The following DNAH11 variants were observed in gnomAD, a reference collection of about 807,000 sequenced individuals.
The protein encoded by DNAH11 is dynein axonemal heavy chain 11, also known as axonemal beta dynein heavy chain 11.
In DNAH11, 442 loss-of-function variants were observed where a neutral mutation model predicts 526.0. The observed-to-expected ratio is 0.84, with a 90% CI of 0.78 to 0.91. The LOEUF (loss-of-function observed/expected upper bound fraction) is 0.91. Among genes scored for constraint, DNAH11 ranks in the 40% least tolerant of loss-of-function variants. The pLI is 0.00. For missense variants in DNAH11, 6,989 were observed against 5,448.7 expected (o/e 1.28, Z -8.90); for synonymous variants, 2,461 against 1,935.9 (o/e 1.27, Z -7.12).
At position 21,834,605 on chromosome 7, in the gene DNAH11, G is replaced by A. The variant is rs527746351; in HGVS notation, c.10692-7939G>A. Among the ~76,000 whole-genome samples the A allele has an allele frequency of 5.3e-5, 8 of 152,304 alleles. No individual in the cohort carries two copies. In the South Asian group the frequency reaches 1.7e-3, roughly 32 times the overall value. On this transcript the variant is annotated intron_variant, in intron 65 of 81. Coordinates refer to ENST00000409508, the MANE Select transcript of DNAH11 (RefSeq NM_001277115.2). ...TCCAACACTTTGGGAGGCCAAGGCA[G>A]GAGCGTCGCTTGAGGACAGGAGTTT... is the stretch of plus-strand genomic sequence containing the variant.
Position 21,867,855 on chromosome 7 carries a change from A to G in DNAH11, c.11691-4A>G, listed in dbSNP as rs376404379. On this transcript the variant is annotated splice_region_variant and splice_polypyrimidine_tract_variant and intron_variant, in intron 71 of 81. Coordinates refer to ENST00000409508, the MANE Select transcript of DNAH11 (RefSeq NM_001277115.2). ...TCATGTTTTTATATTCTTGTTTTTTATAGAAATTTTGTAGAGGAAAAACTG... is the reference window on the plus strand; with the variant it reads ...TCATGTTTTTATATTCTTGTTTTTTGTAGAAATTTTGTAGAGGAAAAACTG... 32 of 1,562,924 alleles carry G rather than the reference A, an allele frequency of 2.0e-5. No homozygotes were observed. The highest frequency in any genetic ancestry group is 2.3e-5 in the Non-Finnish European group (27 of 1,152,684).
intron 22 of DNAH11, among the ~76,000 whole-genome samples, chr7:21,617,153 C>A (rs576710857): frequency 3.5e-4 from 53 of 152,230 alleles, no homozygotes; most frequent in African/African-American, 1.3e-3. Flanking sequence ...AGTCAAAGGA[C>A]CTATTTGGCA....
intron 2 of DNAH11, among the ~76,000 whole-genome samples, chr7:21,555,671 T>C (rs80333994): frequency 0.05 from 7,632 of 152,292 alleles, 631 homozygotes; most frequent in African/African-American, 0.17. Flanking sequence ...TTTTCCTCCC[T>C]TGGCTTGTGC....
intron 65 of DNAH11, among the ~76,000 whole-genome samples, chr7:21,842,099 T>C (rs142198694): frequency 1.2e-4 from 18 of 152,330 alleles, no homozygotes; most frequent in African/African-American, 4.1e-4. Flanking sequence ...GATGATGTTT[T>C]TGTGACCAGG....
At chr7:21,889,542 C>T (rs2128046235) in intron 76 of DNAH11, among the ~76,000 whole-genome samples, 1 of 152,342 alleles carries the variant, frequency 6.6e-6, no homozygotes, top group Non-Finnish European at 1.5e-5. Context: ...GTTTTCTCCA[C>T]ATCCTCACCA....
chr7:21,641,004 G>C (rs1446944642), intron 28 of DNAH11, among the ~76,000 whole-genome samples: 2 of 152,150 alleles, frequency 1.3e-5, no homozygotes, highest in Non-Finnish European at 2.9e-5. Context: ...GATTTCTGGT[G>C]GAACAAGTGT....
chr7:21,601,982 CA>C (rs1281471116), intron 18 of DNAH11, among the ~76,000 whole-genome samples: 4 of 149,606 alleles, frequency 2.7e-5, no homozygotes, highest in East Asian at 3.9e-4. Flanking sequence ...TTTTTTCATT[CA>C]AAAAAACTAC....
chr7:21,568,192 T>A (rs1348357772), intron 6 of DNAH11, among the ~76,000 whole-genome samples: 1 of 152,192 alleles, frequency 6.6e-6, no homozygotes, highest in Non-Finnish European at 1.5e-5. Flanking sequence ...ATAAATAAGT[T>A]GGTAAGCAGT....
chr7:21,615,903 T>C (rs1040394108), intron 21 of DNAH11, among the ~76,000 whole-genome samples: 2 of 152,218 alleles, frequency 1.3e-5, no homozygotes, highest in Non-Finnish European at 2.9e-5. Context: ...AAGTCTGTTA[T>C]TTAATAATCT....
intron 71 of DNAH11, 36 bp downstream of exon 71, chr7:21,866,699 T>C (rs1583790240): frequency 6.4e-7 from 1 of 1,570,708 alleles, no homozygotes. Context: ...CATGTATTAG[T>C]TAACATAGAG....
chr7:21,704,137 G>A (rs907353713), intron 37 of DNAH11, among the ~76,000 whole-genome samples: 2 of 152,218 alleles, frequency 1.3e-5, no homozygotes, highest in Non-Finnish European at 2.9e-5. Flanking sequence ...GAGGATTCAA[G>A]AGAGAAGGCC....
chr7:21,690,284 A>G (rs557839423), intron 34 of DNAH11, among the ~76,000 whole-genome samples: 29 of 152,322 alleles, frequency 1.9e-4, no homozygotes, highest in Non-Finnish European at 4.3e-4. Context: ...AGTGATATTT[A>G]ATAGATTTTT....
intron 28 of DNAH11, among the ~76,000 whole-genome samples, chr7:21,651,030 T>C (rs1781739044): frequency 6.6e-6 from 1 of 151,808 alleles, no homozygotes; most frequent in Non-Finnish European, 1.5e-5. Context: ...GTAAAAATCA[T>C]GGACTCACTT....
At chr7:21,545,532 T>C (rs184901454) in intron 2 of DNAH11, among the ~76,000 whole-genome samples, 13 of 152,260 alleles carry the variant, frequency 8.5e-5, no homozygotes, top group African/African-American at 3.1e-4. Flanking sequence ...AAATTTACAC[T>C]TTGAAAATGA....
At chr7:21,897,795 T>C (rs917891594) in intron 79 of DNAH11, among the ~76,000 whole-genome samples, 1 of 152,128 alleles carries the variant, frequency 6.6e-6, no homozygotes. Flanking sequence ...TTTGTTATTT[T>C]TAGTAGGGAT....
At chr7:21,668,695 A>T (rs1476109208) in intron 30 of DNAH11, among the ~76,000 whole-genome samples, 3 of 152,208 alleles carry the variant, frequency 2.0e-5, no homozygotes, top group Non-Finnish European at 4.4e-5. Context: ...GCTTACTAAT[A>T]ATACATTGTA....
intron 14 of DNAH11, among the ~76,000 whole-genome samples, chr7:21,592,081 C>A (rs1271312230): frequency 6.6e-6 from 1 of 152,126 alleles, no homozygotes; most frequent in East Asian, 1.9e-4. Context: ...CACACACACA[C>A]AAAAGGCAGA....
rs756099132 is a variant in DNAH11 at position 21,873,422 on chromosome 7, A to C, written c.12116A>C (p.Glu4039Ala). ...DEHIIPQGLL[E>A]NSIKITNEPP... ...CATATCATCCCTCAAGGACTCCTGG[A>C]AAATTCCATTAAGATCACTAATGAA... The change falls in exon 74 of 82, where the codon GAA becomes GCA. Residue 4039 changes from glutamate (E) to alanine (A), a missense_variant. Transcript: ENST00000409508. The C allele has an allele frequency of 1.2e-6, 2 of 1,614,004 alleles. No homozygotes were observed. The highest frequency in any genetic ancestry group is 3.3e-5 in the Admixed American group (2 of 60,020).
intron 22 of DNAH11, 59 bp from the exon 23 acceptor site, chr7:21,617,560 T>G: frequency 1.3e-6 from 2 of 1,574,038 alleles, no homozygotes; most frequent in Non-Finnish European, 8.7e-7. Context: ...GGAGGCAAAT[T>G]ATTAATATAT....
Sources: allele counts gnomAD v4.1 joint callset (sites outside exome capture counted in the v4.1 genomes callset), GRCh38; gene constraint gnomAD v4.1.1; transcripts MANE v1.5; gene names NCBI Gene and HGNC (gene_info 2026-07-23, HGNC 2026-07-21).